Variants in DUS2 observed in about 807,000 individuals in gnomAD.
The protein encoded by DUS2 is tRNA-dihydrouridine(20) synthase [NAD(P)+]-like.
Under a neutral mutation model 71.3 loss-of-function variants are expected in DUS2, and 52 were observed. The ratio of observed to expected loss-of-function variants is 0.73; its 90% CI spans 0.58 to 0.92. DUS2 has a LOEUF of 0.92. Among genes scored for constraint, DUS2 ranks in the 40% least tolerant of loss-of-function variants. DUS2 has a pLI of 0.00. For missense variants in DUS2, 558 were observed against 622.6 expected (o/e 0.90, Z 1.10); for synonymous variants, 204 against 227.8 (o/e 0.90, Z 0.94).
At chr16:68,065,663 G>A (rs1300239245) in intron 8 of DUS2, among the ~76,000 whole-genome samples, 2 of 151,624 alleles carry the variant, frequency 1.3e-5, no homozygotes, top group Admixed American at 1.3e-4. Flanking sequence ...AAACAAAAAG[G>A]AAACAGGGTC....
chr16:68,061,377 C>G (rs112966237), intron 8 of DUS2, among the ~76,000 whole-genome samples: 233 of 152,356 alleles, frequency 1.5e-3, no homozygotes, highest in Non-Finnish European at 3.0e-3. Context: ...GTCCTGAGGA[C>G]TCACAGAGAA....
chr16:68,075,320 A>C, intron 13 of DUS2, 35 bp from the exon 14 acceptor site: 1 of 1,532,892 alleles, frequency 6.5e-7, no homozygotes, highest in Non-Finnish European at 8.8e-7. Flanking sequence ...TGGCTCCGCT[A>C]AAGTGTTTGC....
At chr16:68,045,646 T>A (rs2033689738) in intron 3 of DUS2, among the ~76,000 whole-genome samples, 1 of 151,880 alleles carries the variant, frequency 6.6e-6, no homozygotes, top group African/African-American at 2.4e-5. Context: ...AAATATAGTT[T>A]TACTTTTTCC....
chr16:68,059,484 G>A (rs1019563276), intron 7 of DUS2, among the ~76,000 whole-genome samples: 20 of 152,260 alleles, frequency 1.3e-4, no homozygotes, highest in South Asian at 2.1e-4. Context: ...ATGGAGCCAG[G>A]GGGAGTGCTG....
intron 5 of DUS2, 54 bp from the exon 6 acceptor site, chr16:68,054,520 G>A: frequency 6.2e-7 from 1 of 1,600,702 alleles, no homozygotes; most frequent in Non-Finnish European, 8.6e-7. Flanking sequence ...GTGTTTGTCA[G>A]TGCATGTGTA....
chr16:68,045,611 TA>T (rs529856830), intron 3 of DUS2, among the ~76,000 whole-genome samples: 149 of 139,424 alleles, frequency 1.1e-3, no homozygotes, highest in East Asian at 1.2e-3. Flanking sequence ...AACTCTGTCT[TA>T]AAAAAAAAAA....
intron 2 of DUS2, among the ~76,000 whole-genome samples, chr16:68,031,313 C>T (rs963179253): frequency 5.3e-5 from 8 of 152,062 alleles, no homozygotes; most frequent in Admixed American, 3.3e-4. Context: ...TACAGGCATG[C>T]GCCGCCACAC....
intron 11 of DUS2, 119 bp from the exon 12 acceptor site, chr16:68,070,821 T>G: frequency 4.9e-6 from 5 of 1,025,050 alleles, no homozygotes; most frequent in Non-Finnish European, 5.8e-6. Context: ...CTCTGATAGC[T>G]GAAGGGACTT....
chr16:68,054,673 G>T, intron 6 of DUS2, 56 bp downstream of exon 6: 3 of 1,598,244 alleles, frequency 1.9e-6, no homozygotes, highest in South Asian at 1.1e-5. Context: ...AGCTGTGAGG[G>T]TTTAATGTCC....
At chr16:68,062,718 CAAAAAAAAAAA>C (rs552579994) in intron 8 of DUS2, among the ~76,000 whole-genome samples, 1 of 48,726 alleles carries the variant, frequency 2.1e-5, no homozygotes, top group Non-Finnish European at 4.0e-5. Flanking sequence ...GACTCCGTCT[CAAAAAAAAAAA>C]AAAAAAAAAA....
intron 3 of DUS2, among the ~76,000 whole-genome samples, chr16:68,040,983 C>T (rs1051915339): frequency 6.6e-6 from 1 of 152,188 alleles, no homozygotes; most frequent in Non-Finnish European, 1.5e-5. Context: ...GCAATCCCAG[C>T]ACTTTGGGAG....
chr16:68,076,042 G>T (rs997670083), intron 14 of DUS2, among the ~76,000 whole-genome samples: 4 of 152,198 alleles, frequency 2.6e-5, no homozygotes, highest in African/African-American at 4.8e-5. Context: ...GGTGTGGAGA[G>T]GGGGAGCAGG....
chr16:68,062,114 A>G (rs2033948253), intron 8 of DUS2, among the ~76,000 whole-genome samples: 2 of 152,018 alleles, frequency 1.3e-5, no homozygotes, highest in African/African-American at 4.8e-5. Flanking sequence ...GGTTTCAAGC[A>G]ATTCTTCTGC....
chr16:68,073,284 T>C (rs2034112554), intron 12 of DUS2, among the ~76,000 whole-genome samples: 1 of 152,152 alleles, frequency 6.6e-6, no homozygotes, highest in Non-Finnish European at 1.5e-5. Flanking sequence ...ATTTTTATTT[T>C]TAATTTTAGA....
At chr16:68,051,716 T>A (rs1365317628) in intron 4 of DUS2, among the ~76,000 whole-genome samples, 1 of 152,092 alleles carries the variant, frequency 6.6e-6, no homozygotes, top group East Asian at 1.9e-4. Context: ...AGGCATATTA[T>A]TTAATATATA....
Position 68,072,612 on chromosome 16 carries a change from C to T in DUS2, c.811-1422C>T, listed in dbSNP as rs1056704203. On this transcript the variant is annotated intron_variant, in intron 12 of 16. Transcript: ENST00000565263. ...GGACTTGCCACCAGCCGGGGCGCCC[C>T]GACTTACTTCCCACTTTGTCCTGAG... Among the ~76,000 whole-genome samples, 17 of 152,270 alleles carry T rather than the reference C, an allele frequency of 1.1e-4. 1 individual carries two copies. The highest frequency in any genetic ancestry group is 8.3e-4 in the South Asian group (4 of 4,822).
At chr16:68,069,411 A>G (rs1446927485) in intron 10 of DUS2, among the ~76,000 whole-genome samples, 1 of 152,202 alleles carries the variant, frequency 6.6e-6, no homozygotes, top group Non-Finnish European at 1.5e-5. Context: ...ACAAGAGTAT[A>G]GCAGAGGGGA....
intron 9 of DUS2, 41 bp downstream of exon 9, chr16:68,066,423 G>A (rs374450554): frequency 1.4e-5 from 22 of 1,606,006 alleles, no homozygotes; most frequent in Non-Finnish European, 1.8e-5. Flanking sequence ...ATTCTCTCTG[G>A]TGATGTTGGA....
At chr16:68,057,451 G>A (rs945646046) in intron 7 of DUS2, among the ~76,000 whole-genome samples, 4 of 151,556 alleles carry the variant, frequency 2.6e-5, no homozygotes, top group Non-Finnish European at 5.9e-5. Context: ...AAAGAGAGGA[G>A]GCCGGGAGTG....
Sources: gnomAD v4.1 joint callset for allele counts (sites outside exome capture counted in the v4.1 genomes callset) on GRCh38, gnomAD v4.1.1 for gene constraint, MANE v1.5 for transcripts, NCBI Gene and HGNC (gene_info 2026-07-23, HGNC 2026-07-21) for gene names.